The following DNM3 variants were observed in gnomAD, a reference collection of about 807,000 sequenced individuals.
DNM3 encodes the protein dynamin 3.
A neutral mutation model predicts 101.6 loss-of-function variants in DNM3; 47 were observed. The ratio of observed to expected loss-of-function variants is 0.46; its 90% CI spans 0.37 to 0.59. The LOEUF (loss-of-function observed/expected upper bound fraction) is 0.59. Ranked by LOEUF, DNM3 falls within the 20% of genes least tolerant of loss-of-function variation. DNM3 has a pLI of 0.00. For synonymous variants in DNM3, 385 were observed against 387.9 expected (o/e 0.99, Z 0.09); for missense variants, 849 against 1,085.7 (o/e 0.78, Z 3.06).
At chr1:171,914,788 G>A (rs1045126062) in intron 1 of DNM3, among the ~76,000 whole-genome samples, 4 of 152,144 alleles carry the variant, frequency 2.6e-5, no homozygotes, top group Admixed American at 6.5e-5. Flanking sequence ...GAACAATGAC[G>A]AATCTTCTTG....
At chr1:172,072,755 C>T (rs920197098) in intron 11 of DNM3, among the ~76,000 whole-genome samples, 8 of 152,128 alleles carry the variant, frequency 5.3e-5, no homozygotes, top group Non-Finnish European at 7.4e-5. Flanking sequence ...GGCATGATGG[C>T]AGGTGCCTGT....
chr1:172,283,999 A>G (rs893690615), intron 15 of DNM3, among the ~76,000 whole-genome samples: 1 of 152,112 alleles, frequency 6.6e-6, no homozygotes, highest in Admixed American at 6.5e-5. Flanking sequence ...GTGTTGCTAC[A>G]ATTTTCTCTT....
chr1:172,007,557 G>T (rs1260562502), intron 4 of DNM3, among the ~76,000 whole-genome samples: 1 of 151,958 alleles, frequency 6.6e-6, no homozygotes, highest in East Asian at 1.9e-4. Flanking sequence ...TATTTCTAAT[G>T]CTTTCTCATC....
intron 15 of DNM3, among the ~76,000 whole-genome samples, chr1:172,291,438 T>C (rs2586395): frequency 0.074 from 11,254 of 152,238 alleles, 483 homozygotes; most frequent in African/African-American, 0.11. Flanking sequence ...CATGTCTCAG[T>C]TGAAGGTTTG....
chr1:172,059,015 C>CA (rs1323879160), intron 10 of DNM3, among the ~76,000 whole-genome samples: 1 of 152,144 alleles, frequency 6.6e-6, no homozygotes, highest in Non-Finnish European at 1.5e-5. Flanking sequence ...AAGGGGATAT[C>CA]ACCACAGATC....
At chr1:172,179,213 A>G (rs979417239) in intron 14 of DNM3, among the ~76,000 whole-genome samples, 2 of 151,962 alleles carry the variant, frequency 1.3e-5, no homozygotes, top group African/African-American at 2.4e-5. Flanking sequence ...GTGGACTGTG[A>G]TCTACATGTA....
At chr1:171,934,443 G>T (rs1558289670) in intron 2 of DNM3, among the ~76,000 whole-genome samples, 1 of 152,108 alleles carries the variant, frequency 6.6e-6, no homozygotes, top group Non-Finnish European at 1.5e-5. Flanking sequence ...TCAAGTTATT[G>T]AATCAAAGCT....
At chr1:172,314,299 G>A (rs2065215514) in intron 16 of DNM3, among the ~76,000 whole-genome samples, 1 of 152,206 alleles carries the variant, frequency 6.6e-6, no homozygotes. Flanking sequence ...ACAGCTCCCA[G>A]CGTGAGCAAC....
At chr1:172,018,082 G>C (rs1423587326) in intron 4 of DNM3, among the ~76,000 whole-genome samples, 1 of 151,940 alleles carries the variant, frequency 6.6e-6, no homozygotes, top group Non-Finnish European at 1.5e-5. Flanking sequence ...TTTAATCTGT[G>C]TGTTTTTATA....
chr1:171,908,211 T>C (rs931860830), intron 1 of DNM3, among the ~76,000 whole-genome samples: 4 of 152,248 alleles, frequency 2.6e-5, no homozygotes, highest in Non-Finnish European at 4.4e-5. Flanking sequence ...GGGCTATTCT[T>C]CAAATCCCAT....
At chr1:172,055,840 C>G (rs186929496) in intron 10 of DNM3, among the ~76,000 whole-genome samples, 2 of 152,216 alleles carry the variant, frequency 1.3e-5, no homozygotes, top group East Asian at 3.9e-4. Context: ...GGGGAGGAGC[C>G]AAGATGGCCA....
chr1:172,211,571 C>G (rs1036337538), intron 14 of DNM3, among the ~76,000 whole-genome samples: 1 of 152,064 alleles, frequency 6.6e-6, no homozygotes, highest in African/African-American at 2.4e-5. Context: ...CTAGAATATG[C>G]TTTTCTTATG....
intron 20 of DNM3, among the ~76,000 whole-genome samples, chr1:172,397,859 A>G (rs1361519295): frequency 6.6e-6 from 1 of 152,132 alleles, no homozygotes; most frequent in East Asian, 1.9e-4. Flanking sequence ...TGAAAAACGC[A>G]TGGAGTTACT....
chr1:172,337,149 A>T (rs1347272131), intron 17 of DNM3, among the ~76,000 whole-genome samples: 1 of 152,082 alleles, frequency 6.6e-6, no homozygotes, highest in Non-Finnish European at 1.5e-5. Flanking sequence ...CAAGCTTACC[A>T]TTTACCAAGG....
At chr1:172,370,757 C>A (rs1005047574) in intron 17 of DNM3, among the ~76,000 whole-genome samples, 2 of 151,972 alleles carry the variant, frequency 1.3e-5, no homozygotes, top group Non-Finnish European at 2.9e-5. Flanking sequence ...AGCAACTGGT[C>A]TAACTCCATA....
At chr1:172,293,675 G>A (rs146058746) in intron 15 of DNM3, among the ~76,000 whole-genome samples, 173 of 152,278 alleles carry the variant, frequency 1.1e-3, no homozygotes, top group African/African-American at 4.1e-3. Flanking sequence ...CTCCTTGGAT[G>A]TCTAGACACA....
intron 17 of DNM3, among the ~76,000 whole-genome samples, chr1:172,329,369 A>G (rs1016993684): frequency 6.6e-6 from 1 of 152,166 alleles, no homozygotes; most frequent in Non-Finnish European, 1.5e-5. Context: ...TCCAAAATAG[A>G]TCCAATGGAA....
intron 14 of DNM3, among the ~76,000 whole-genome samples, chr1:172,239,377 A>G (rs1213627768): frequency 1.3e-5 from 2 of 152,162 alleles, no homozygotes; most frequent in Non-Finnish European, 2.9e-5. Flanking sequence ...TTTTCCAAGG[A>G]AAAGGAAATA....
At chr1:172,106,844 A>ATTATTTTTTT (rs1289662689) in intron 13 of DNM3, among the ~76,000 whole-genome samples, 2 of 51,050 alleles carry the variant, frequency 3.9e-5, no homozygotes, top group Admixed American at 4.8e-4. Flanking sequence ...AGGTAACATT[A>ATTATTTTTTT]TTCTTTTTTT....
Sources: allele counts gnomAD v4.1 joint callset (sites outside exome capture counted in the v4.1 genomes callset), GRCh38; gene constraint gnomAD v4.1.1; transcripts MANE v1.5; gene names NCBI Gene and HGNC (gene_info 2026-07-23, HGNC 2026-07-21).